Variants in EGLN1 observed in about 807,000 individuals in gnomAD.
EGLN1 encodes the protein egl-9 family hypoxia inducible factor 1, also known as egl nine homolog 1.
In EGLN1, 17 loss-of-function variants were observed where a neutral mutation model predicts 38.3. The observed-to-expected ratio is 0.44, with a 90% CI of 0.30 to 0.67. EGLN1 has a LOEUF of 0.67. Among genes scored for constraint, EGLN1 ranks in the 30% least tolerant of loss-of-function variants. The probability of loss-of-function intolerance (pLI) is 0.08; values close to 1 mark genes in which losing one functional copy is unlikely to be tolerated. For missense variants in EGLN1, 477 were observed against 603.3 expected (o/e 0.79, Z 2.19); for synonymous variants, 283 against 257.5 (o/e 1.10, Z -0.95).
intron 1 of EGLN1, among the ~76,000 whole-genome samples, chr1:231,413,784 A>T (rs1406893439): frequency 6.6e-6 from 1 of 152,094 alleles, no homozygotes; most frequent in Admixed American, 6.5e-5. Flanking sequence ...GACTCAGAAA[A>T]TATAACAAAG....
At chr1:231,406,849 C>T (rs1047220113) in intron 1 of EGLN1, among the ~76,000 whole-genome samples, 4 of 152,066 alleles carry the variant, frequency 2.6e-5, no homozygotes, top group Non-Finnish European at 5.9e-5. Flanking sequence ...GCTTATATGA[C>T]CGCCTTGGAA....
intron 1 of EGLN1, among the ~76,000 whole-genome samples, chr1:231,377,784 A>G (rs1687995679): frequency 6.6e-6 from 1 of 152,200 alleles, no homozygotes; most frequent in Non-Finnish European, 1.5e-5. Flanking sequence ...GAATGAAGTG[A>G]TATGAGAAGA....
At chr1:231,410,443 C>T (rs533328081) in intron 1 of EGLN1, among the ~76,000 whole-genome samples, 7 of 152,320 alleles carry the variant, frequency 4.6e-5, no homozygotes, top group Non-Finnish European at 1.0e-4. Context: ...TGACCAATGT[C>T]CTGACTGCAG....
intron 1 of EGLN1, among the ~76,000 whole-genome samples, chr1:231,387,236 T>C (rs897375728): frequency 3.3e-4 from 12 of 36,652 alleles, no homozygotes; most frequent in Admixed American, 3.0e-4. Context: ...TATATATGTA[T>C]ACACACACAC....
chr1:231,368,072 T>C (rs1249522400), intron 3 of EGLN1, among the ~76,000 whole-genome samples: 1 of 151,976 alleles, frequency 6.6e-6, no homozygotes, highest in African/African-American at 2.4e-5. Context: ...CCTGTAGCCC[T>C]AGCTACTCAG....
chr1:231,421,022 G>C lies in EGLN1; in HGVS notation c.867C>G (p.Ser289Arg), dbSNP rs763045676. 45 of 1,613,888 alleles carry C rather than the reference G, an allele frequency of 2.8e-5. No homozygotes were observed. The Middle Eastern group carries it at 4.9e-4, about 18-fold the overall frequency. The change falls in exon 1 of 5, where the codon AGC becomes AGG. Residue 289 changes from serine (S) to arginine (R), a missense_variant. Ser to Arg is a moderately radical substitution (Grantham distance 110). This residue lies in a region of EGLN1 where 119 missense variants were observed against 179.0 expected (regional missense o/e 0.66). Transcript: ENST00000366641. The surrounding 1 kb of genome is among the most constrained non-coding windows in gnomAD (Gnocchi z 5.5). ...CTTTCGTCCGGCCATTGATTTTGTAGCTGCCCAGCTTCCCGTTACAGTGGC... is the reference window on the plus strand; with the variant it reads ...CTTTCGTCCGGCCATTGATTTTGTACCTGCCCAGCTTCCCGTTACAGTGGC... ...LIRHCNGKLG[S>R]YKINGRTKAM...
chr1:231,389,722 G>T (rs1191998866), intron 1 of EGLN1, among the ~76,000 whole-genome samples: 1 of 152,180 alleles, frequency 6.6e-6, no homozygotes, highest in African/African-American at 2.4e-5. Flanking sequence ...GCCGAGGCAG[G>T]CGGGTCACGA....
intron 1 of EGLN1, among the ~76,000 whole-genome samples, chr1:231,413,304 G>A (rs918689888): frequency 3.3e-5 from 5 of 152,046 alleles, no homozygotes; most frequent in African/African-American, 1.2e-4. Context: ...TCGAACTCCT[G>A]ACCTCAAGTG....
chr1:231,371,724 G>A lies in EGLN1; in HGVS notation c.1012-1026C>T, dbSNP rs555036796. Among the ~76,000 whole-genome samples the A allele has an allele frequency of 4.0e-4, 61 of 152,196 alleles. 1 individual carries two copies. Among genetic ancestry groups the A allele is most frequent in the African/African-American group, 1.2e-3 (50 of 41,530 alleles). ...TAATGCAGACAGACTTTGTCCTTGC[G>A]GGGTTTACGATCTGGGGATAGGCAA... On this transcript the variant is annotated intron_variant, in intron 2 of 4. Transcript: ENST00000366641.
Position 231,421,211 on chromosome 1 carries a change from C to T in EGLN1, c.678G>A (p.Val226=). 1 of 1,614,022 alleles carries T rather than the reference C, an allele frequency of 6.2e-7. No individual in the cohort carries two copies. The highest frequency in any genetic ancestry group is 2.2e-5 in the East Asian group (1 of 44,850). The change falls in exon 1 of 5, where the codon GTG becomes GTA. Residue 226 remains valine, a synonymous_variant. Coordinates refer to ENST00000366641, the MANE Select transcript of EGLN1 (RefSeq NM_022051.3). The surrounding 1 kb of genome is among the most constrained non-coding windows in gnomAD (Gnocchi z 5.5). ...KETGQQIGDE[V]RALHDTGKFT... is the part of the protein sequence containing the mutation. ...ACTTCCCGGTGTCGTGCAGGGCGCG[C>T]ACCTCGTCGCCGATCTGCTGTCCGG...
intron 1 of EGLN1, among the ~76,000 whole-genome samples, chr1:231,388,532 G>T (rs556998130): frequency 1.3e-5 from 2 of 152,248 alleles, no homozygotes; most frequent in African/African-American, 4.8e-5. Flanking sequence ...GAGGGCAGTG[G>T]CGTGATCTTG....
intron 1 of EGLN1, among the ~76,000 whole-genome samples, chr1:231,412,411 A>G (rs1688977133): frequency 6.6e-6 from 1 of 152,226 alleles, no homozygotes; most frequent in Non-Finnish European, 1.5e-5. Flanking sequence ...TTGAATCTAA[A>G]TCTATGCTTC....
chr1:231,401,381 C>G (rs2244994), intron 1 of EGLN1, among the ~76,000 whole-genome samples: 82,849 of 151,996 alleles, frequency 0.55, 24,222 homozygotes, highest in Non-Finnish European at 0.65. Context: ...GCTTGGTACA[C>G]AATAAGCATT....
intron 1 of EGLN1, among the ~76,000 whole-genome samples, chr1:231,375,471 T>C (rs1376125815): frequency 6.6e-6 from 1 of 152,134 alleles, no homozygotes; most frequent in Non-Finnish European, 1.5e-5. Flanking sequence ...AAAAGAAAAA[T>C]GCTAATTTTT....
At position 231,421,357 on chromosome 1, in the gene EGLN1, C is replaced by G. The variant is rs1656588312; in HGVS notation, c.532G>C (p.Gly178Arg). 1 of 1,609,722 alleles carries G rather than the reference C, an allele frequency of 6.2e-7. No homozygotes were observed. Among genetic ancestry groups the G allele is most frequent in the African/African-American group, 1.3e-5 (1 of 74,868 alleles). ...TPGDALSPGG[G>R]LRPNGQTKPL... The stretch of plus-strand genomic sequence containing the variant: ...TTCGTCTGCCCGTTGGGCCGCAGGC[C>G]GCCGCCGGGGCTCAGCGCATCCCCG... Residue 178 changes from glycine to arginine, a missense_variant, in exon 1 of 5, where the codon GGC becomes CGC. This residue lies in a region of EGLN1 where 298 missense variants were observed against 288.9 expected (regional missense o/e 1.03). Coordinates refer to ENST00000366641, the MANE Select transcript of EGLN1 (RefSeq NM_022051.3). This position sits in a 1 kb window ranked among gnomAD's most constrained non-coding sequence, Gnocchi z 5.5.
intron 1 of EGLN1, among the ~76,000 whole-genome samples, chr1:231,393,306 C>T (rs1034751038): frequency 1.3e-5 from 2 of 152,122 alleles, no homozygotes; most frequent in Non-Finnish European, 2.9e-5. Context: ...TGTTTTGTTT[C>T]GGTTATTTGC....
intron 1 of EGLN1, among the ~76,000 whole-genome samples, chr1:231,391,185 A>ACCACG (rs1463818444): frequency 2.0e-5 from 3 of 150,556 alleles, no homozygotes; most frequent in Non-Finnish European, 3.0e-5. Flanking sequence ...TCATGGGCTC[A>ACCACG]AGTGATCCTC....
At chr1:231,420,798 A>G (rs909824257) in intron 1 of EGLN1, among the ~76,000 whole-genome samples, 200 bp downstream of exon 1, 1 of 152,144 alleles carries the variant, frequency 6.6e-6, no homozygotes, top group South Asian at 2.1e-4. Flanking sequence ...AGTAAGTGGA[A>G]AACAGTGGAT....
At chr1:231,403,543 G>C (rs2102928162) in intron 1 of EGLN1, among the ~76,000 whole-genome samples, 1 of 152,090 alleles carries the variant, frequency 6.6e-6, no homozygotes, top group Admixed American at 6.5e-5. Context: ...GGCCAAGGGA[G>C]GTGGATCACC....
Sources: allele counts gnomAD v4.1 joint callset (sites outside exome capture counted in the v4.1 genomes callset), GRCh38; gene constraint gnomAD v4.1.1; regional missense constraint gnomAD v4.1.1; non-coding constraint Gnocchi (gnomAD v3.1); transcripts MANE v1.5; gene names NCBI Gene and HGNC (gene_info 2026-07-23, HGNC 2026-07-21).